Variants in PLCXD1 observed in about 807,000 individuals in gnomAD.
The protein encoded by PLCXD1 is phosphatidylinositol specific phospholipase C X domain containing 1.
In PLCXD1, 45 loss-of-function variants were observed where a neutral mutation model predicts 37.8. The ratio of observed to expected loss-of-function variants is 1.19; its 90% CI spans 0.94 to 1.53. The LOEUF is 1.53. Ranked by LOEUF, PLCXD1 falls within the 40% of genes most tolerant of loss-of-function variation. The probability of loss-of-function intolerance (pLI) is 0.00; values close to 1 mark genes in which losing one functional copy is unlikely to be tolerated. For missense variants in PLCXD1, 539 were observed against 454.7 expected (o/e 1.19, Z -1.69); for synonymous variants, 246 against 206.9 (o/e 1.19, Z -1.62).
intron 6 of PLCXD1, among the ~76,000 whole-genome samples, chrX:295,062 C>T (rs1193185949): frequency 2.0e-4 from 30 of 149,538 alleles, no homozygotes; most frequent in African/African-American, 7.4e-4. Flanking sequence ...CCCAGCTCCT[C>T]GGGAGGCTGA....
intron 2 of PLCXD1, among the ~76,000 whole-genome samples, chrX:286,375 A>G (rs1009867027): frequency 1.3e-5 from 2 of 152,076 alleles, no homozygotes; most frequent in African/African-American, 4.8e-5. Context: ...TCTTAGGTTA[A>G]TTTGTAGAGA....
At chrX:285,046 G>A (rs6603174) in intron 2 of PLCXD1, among the ~76,000 whole-genome samples, 23,811 of 151,986 alleles carry the variant, frequency 0.16, 2,318 homozygotes, top group South Asian at 0.2. Flanking sequence ...GGACACAGCC[G>A]AGCCATATCA....
At chrX:279,798 A>AAT (rs2069224636), upstream of PLCXD1, among the ~76,000 whole-genome samples, 2 of 151,846 alleles carry the variant, frequency 1.3e-5, no homozygotes, top group African/African-American at 4.9e-5. Flanking sequence ...AGAAGAAAAA[A>AAT]AGAGTTATTA....
At chrX:287,671 C>G (rs2069501118) in intron 2 of PLCXD1, among the ~76,000 whole-genome samples, 1 of 136,342 alleles carries the variant, frequency 7.3e-6, no homozygotes, top group African/African-American at 2.7e-5. Context: ...GATATAGATA[C>G]TATATATCTT....
chrX:291,033 G>GC (rs1438325534), intron 4 of PLCXD1, among the ~76,000 whole-genome samples: 2 of 151,930 alleles, frequency 1.3e-5, no homozygotes, highest in African/African-American at 4.8e-5. Flanking sequence ...GGATGAAACA[G>GC]CCACATGCAG....
In PLCXD1 at chrX:293,238, G is replaced by A. The variant is rs185555152; in HGVS notation, c.733+20G>A. ...GCCCAGGTACCAGGTCGCCCCTCGT[G>A]GGGGTAGATTCCACACAGCCTCCCG... On this transcript the variant is annotated intron_variant, in intron 6 of 6. Coordinates refer to ENST00000381657, the MANE Select transcript of PLCXD1 (RefSeq NM_018390.4). 126 of 1,597,894 alleles carry A rather than the reference G, an allele frequency of 7.9e-5. No homozygotes were observed. The East Asian group carries it at 1.7e-3, about 22-fold the overall frequency.
chrX:299,139 A>T lies in PLCXD1; in HGVS notation c.776A>T (p.Gln259Leu). 1 of 1,613,938 alleles carries T rather than the reference A, an allele frequency of 6.2e-7. No individual in the cohort carries two copies. Among genetic ancestry groups the T allele is most frequent in the Non-Finnish European group, 8.5e-7 (1 of 1,179,836 alleles). The change falls in exon 7 of 7, where the codon CAG (glutamine) becomes CTG (leucine). Residue 259 changes from glutamine (Q) to leucine (L), a missense_variant. Coordinates refer to ENST00000381657, the MANE Select transcript of PLCXD1 (RefSeq NM_018390.4). ...VAGINLTENL[Q>L]YVLAHPSESL... ...GGCATCAACCTCACGGAGAACCTGC[A>T]GTACGTTCTGGCGCACCCGTCCGAG... is the stretch of plus-strand genomic sequence containing the variant.
upstream of PLCXD1, among the ~76,000 whole-genome samples, chrX:280,393 GA>G: frequency 1.4e-5 from 1 of 72,398 alleles, no homozygotes. Flanking sequence ...CGTGCAGGGG[GA>G]AGGGAGGCCG....
At chrX:288,953 C>T in intron 3 of PLCXD1, 84 bp downstream of exon 3, 1 of 1,373,388 alleles carries the variant, frequency 7.3e-7, no homozygotes, top group Non-Finnish European at 1.0e-6. Context: ...GGCCCCTCAC[C>T]CAGGTAGGGT....
intron 6 of PLCXD1, among the ~76,000 whole-genome samples, chrX:295,556 C>G (rs1245338299): frequency 2.0e-5 from 3 of 150,864 alleles, no homozygotes; most frequent in Non-Finnish European, 2.9e-5. Flanking sequence ...TGGAGTCTCA[C>G]TCTTGTTGCC....
At position 288,829 on chromosome X, in the gene PLCXD1, G is replaced by A. The variant is rs773656444; in HGVS notation, c.224G>A (p.Cys75Tyr). ...LLQLLNKALP[C>Y]ITRPVVLKWS... is the part of the protein sequence containing the mutation. The stretch of plus-strand genomic sequence containing the variant: ...CAGCTGCTGAACAAGGCCTTGCCCT[G>A]CATCACGCGCCCTGTCGTGCTGAAA... The change falls in exon 3 of 7, where the codon TGC becomes TAC. Residue 75 changes from cysteine to tyrosine, a missense_variant. Transcript: ENST00000381657. 6.2e-7 allele frequency: 1 copy of A among 1,613,624 alleles called. No homozygotes were observed. Among genetic ancestry groups the A allele is most frequent in the African/African-American group, 1.3e-5 (1 of 75,050 alleles).
rs762368631 is a variant in PLCXD1 at position 290,291 on chromosome X, G to A, written c.265-357G>A. Among the ~76,000 whole-genome samples the A allele has an allele frequency of 8.5e-4, 130 of 152,240 alleles. 1 individual carries two copies. Among genetic ancestry groups the A allele is most frequent in the African/African-American group, 2.7e-3 (113 of 41,552 alleles). On this transcript the variant is annotated intron_variant, in intron 3 of 6. Coordinates refer to ENST00000381657, the MANE Select transcript of PLCXD1 (RefSeq NM_018390.4). The stretch of plus-strand genomic sequence containing the variant: ...AAATACAAAACAAAATTAGCTGGGC[G>A]CGGTGGCGGGCGCCTGCAGTCCCAG...
chrX:298,817 AT>A (rs2069896515), intron 6 of PLCXD1, among the ~76,000 whole-genome samples: 2 of 139,902 alleles, frequency 1.4e-5, no homozygotes, highest in African/African-American at 2.6e-5. Flanking sequence ...GGACGTGGAC[AT>A]CTTTGGGGCC....
rs2069929729 is a variant in PLCXD1 at position 299,410 on chromosome X, G to C, written c.*75G>C. ...ATTTCCAAGTATTGTGACTTTGTTT[G>C]GGCCAAATGTTGGTGATCATAGGAC... On this transcript the variant is annotated 3_prime_UTR_variant, in exon 7 of 7. Transcript: ENST00000381657. 9.5e-7 allele frequency: 1 copy of C among 1,056,760 alleles called. No individual in the cohort carries two copies. Among genetic ancestry groups the C allele is most frequent in the Non-Finnish European group, 1.5e-6 (1 of 674,424 alleles). The allele number at this position is 1,056,760 out of a possible 1,614,324, so 65.5% of individuals were successfully genotyped here.
At chrX:288,957 G>C (rs931529462) in intron 3 of PLCXD1, 88 bp downstream of exon 3, 16 of 1,353,770 alleles carry the variant, frequency 1.2e-5, no homozygotes, top group Admixed American at 1.7e-5. Flanking sequence ...CCTCACCCAG[G>C]TAGGGTTTGA....
Position 299,359 on chromosome X carries a change from C to G in PLCXD1, c.*24C>G. ...GACGGGACCCTTCTGAAGTTCGGGA[C>G]GCGGCGGCTGCAGTTTCACCCCCGA... On this transcript the variant is annotated 3_prime_UTR_variant, in exon 7 of 7. Transcript: ENST00000381657. The G allele has an allele frequency of 1.3e-6, 2 of 1,540,390 alleles. No homozygotes were observed.
rs1369829279 is a variant in PLCXD1 at position 301,336 on chromosome X, G to A, written c.*2001G>A. 6.6e-6 allele frequency: 1 copy of A among 151,622 alleles called. No homozygotes were observed. Among genetic ancestry groups the A allele is most frequent in the Non-Finnish European group, 1.5e-5 (1 of 67,954 alleles). The allele number at this position is 151,622 out of a possible 1,614,324, so 9.4% of individuals were successfully genotyped here. ...AATTTTATTTTTTTGTAGAGACGTG[G>A]TCTGGCTATGTTGTCCAGGGTGGTC... On this transcript the variant is annotated 3_prime_UTR_variant, in exon 7 of 7. Transcript: ENST00000381657.
intron 6 of PLCXD1, among the ~76,000 whole-genome samples, chrX:294,318 TAA>T (rs1280479321): frequency 2.0e-5 from 3 of 151,764 alleles, no homozygotes; most frequent in Non-Finnish European, 4.4e-5. Context: ...CCGTCTCTAC[TAA>T]AAATACAAAA....
intron 6 of PLCXD1, among the ~76,000 whole-genome samples, chrX:297,230 TG>T (rs1208760318): frequency 3.1e-5 from 1 of 32,310 alleles, no homozygotes; most frequent in Non-Finnish European, 5.2e-5. Flanking sequence ...GTCTATCACA[TG>T]GGGATTAGGA....
Sources: allele counts gnomAD v4.1 joint callset (sites outside exome capture counted in the v4.1 genomes callset), GRCh38; gene constraint gnomAD v4.1.1; transcripts MANE v1.5; gene names NCBI Gene and HGNC (gene_info 2026-07-23, HGNC 2026-07-21).